PRDM15: variants seen among roughly 807,000 people sequenced by gnomAD.
The protein encoded by PRDM15 is PR domain zinc finger protein 15.
A neutral mutation model predicts 128.6 loss-of-function variants in PRDM15; 64 were observed. The ratio of observed to expected loss-of-function variants is 0.50; its 90% confidence interval spans 0.41 to 0.61. The LOEUF (loss-of-function observed/expected upper bound fraction) is 0.61. Among genes scored for constraint, PRDM15 ranks in the 20% least tolerant of loss-of-function variants. The pLI is 0.00. For synonymous variants in PRDM15, 615 were observed against 621.8 expected, an observed-to-expected ratio of 0.99 and a Z score of 0.16; for missense variants, 1,242 against 1,569.1, an observed-to-expected ratio of 0.79 and a Z score of 3.52.
chr21:41,821,412 T>C lies in PRDM15; in HGVS notation c.1897-182A>G, dbSNP rs985121609. Among the ~76,000 whole-genome samples, 2 of 152,162 alleles carry C rather than the reference T, an allele frequency of 1.3e-5. No homozygotes were observed. The highest frequency in any genetic ancestry group is 4.8e-5 in the African/African-American group (2 of 41,444). ...ACTTTTCCGAAGCCATAAGGCCTCATGCCCAAAACTCAAGAGCACGGGTGT... is the reference window on the plus strand; with the variant it reads ...ACTTTTCCGAAGCCATAAGGCCTCACGCCCAAAACTCAAGAGCACGGGTGT... On this transcript the variant is annotated intron_variant, in intron 15 of 23. Coordinates refer to ENST00000398548, the MANE Select transcript of PRDM15 (RefSeq NM_001040424.3). The surrounding 1 kb of genome is among the most constrained non-coding windows in gnomAD (Gnocchi z 5.4).
At position 41,816,968 on chromosome 21, in the gene PRDM15, A is replaced by G. The variant is rs192942282; in HGVS notation, c.2261-1132T>C. Among the ~76,000 whole-genome samples, 628 of 152,268 alleles carry G rather than the reference A, an allele frequency of 4.1e-3. 3 individuals carry two copies. The highest frequency in any genetic ancestry group is 6.4e-3 in the Non-Finnish European group (434 of 68,014). On this transcript the variant is annotated intron_variant, in intron 18 of 23. Transcript: ENST00000398548. ...GCACTTCCCTCTTCCTGCTTCTAAA[A>G]TGAACATATTCCAAATTTCAAAACT...
At chr21:41,869,651 G>C (rs1401286102) in intron 1 of PRDM15, among the ~76,000 whole-genome samples, 1 of 152,110 alleles carries the variant, frequency 6.6e-6, no homozygotes, top group Non-Finnish European at 1.5e-5. Flanking sequence ...TCTCCATGTT[G>C]CCAAAGCTGG....
chr21:41,852,779 T>C (rs62214697), intron 5 of PRDM15, among the ~76,000 whole-genome samples: 8,930 of 152,180 alleles, frequency 0.059, 289 homozygotes, highest in Middle Eastern at 0.079. Flanking sequence ...AGCCCTCACA[T>C]GGCCCATAGT....
At chr21:41,834,516 C>G in intron 11 of PRDM15, 3 of 1,550,456 alleles carry the variant, frequency 1.9e-6, no homozygotes, top group Non-Finnish European at 2.6e-6. Context: ...TGGTAGGTCT[C>G]TAAGCCGACT....
chr21:41,810,650 C>G lies in PRDM15; in HGVS notation c.2476+103G>C. On this transcript the variant is annotated intron_variant, in intron 20 of 23. Coordinates refer to ENST00000398548, the MANE Select transcript of PRDM15 (RefSeq NM_001040424.3). The surrounding 1 kb of genome is among the most constrained non-coding windows in gnomAD (Gnocchi z 6.4). ...AAGACAACACTAAATGTGCTGGAAC[C>G]GTCTAGATAATAGAATAGTCGTTTC... is the stretch of plus-strand genomic sequence containing the variant. 1 of 941,774 alleles carries G rather than the reference C, an allele frequency of 1.1e-6. No homozygotes were observed. 58.3% of individuals were successfully genotyped at this position (941,774 alleles called of 1,614,324 possible). A position where few individuals can be genotyped will look rare whatever the true frequency, so the allele number is the denominator to read the frequency against.
At chr21:41,866,032 C>T (rs758868463) in intron 1 of PRDM15, among the ~76,000 whole-genome samples, 16 of 152,280 alleles carry the variant, frequency 1.1e-4, no homozygotes, top group East Asian at 1.9e-4. Context: ...TGAGACCCCA[C>T]GCCCAGCCTC....
intron 5 of PRDM15, among the ~76,000 whole-genome samples, chr21:41,850,825 G>T (rs898860929): frequency 6.6e-6 from 1 of 152,162 alleles, no homozygotes; most frequent in Non-Finnish European, 1.5e-5. Flanking sequence ...ATGTGTTACT[G>T]CTCCTTCAGT....
chr21:41,855,430 G>T (rs577000991), intron 4 of PRDM15, among the ~76,000 whole-genome samples: 3 of 152,194 alleles, frequency 2.0e-5, no homozygotes, highest in Non-Finnish European at 2.9e-5. Context: ...GGAGGGTTTT[G>T]TTCCTTATTT....
Position 41,810,370 on chromosome 21 carries a change from A to G in PRDM15, c.2477-41T>C. The G allele has an allele frequency of 6.3e-7, 1 of 1,582,432 alleles. No homozygotes were observed. Among genetic ancestry groups the G allele is most frequent in the Non-Finnish European group, 8.6e-7 (1 of 1,160,970 alleles). ...CAGACACACATGCGCGTGGAAAGGAAGAGACACGCAGGTCACTAGTGCAGC... is the reference window on the plus strand; with the variant it reads ...CAGACACACATGCGCGTGGAAAGGAGGAGACACGCAGGTCACTAGTGCAGC... On this transcript the variant is annotated intron_variant, in intron 20 of 23. Transcript: ENST00000398548. The surrounding 1 kb of genome is among the most constrained non-coding windows in gnomAD (Gnocchi z 6.4).
chr21:41,865,529 G>A (rs768956623), intron 1 of PRDM15, among the ~76,000 whole-genome samples: 2 of 152,072 alleles, frequency 1.3e-5, no homozygotes, highest in Admixed American at 1.3e-4. Context: ...GGCTGTGGAC[G>A]CGAGGTCCAC....
At chr21:41,818,213 C>T (rs906282261) in intron 18 of PRDM15, among the ~76,000 whole-genome samples, 1 of 152,164 alleles carries the variant, frequency 6.6e-6, no homozygotes, top group Non-Finnish European at 1.5e-5. Flanking sequence ...TTAAGGCAGA[C>T]GCGGATAAAG....
At chr21:41,839,440 A>G (rs970216639) in intron 7 of PRDM15, among the ~76,000 whole-genome samples, 183 bp downstream of exon 7, 5 of 152,232 alleles carry the variant, frequency 3.3e-5, no homozygotes, top group Non-Finnish European at 7.3e-5. Context: ...CATGTATTAC[A>G]TGGAAATTGT....
intron 17 of PRDM15, 136 bp from the exon 18 acceptor site, chr21:41,819,837 A>G (rs905471469): frequency 4.3e-5 from 50 of 1,156,332 alleles, no homozygotes; most frequent in Non-Finnish European, 5.6e-5. Flanking sequence ...TCGCCTCTTC[A>G]GCGGCCTCCA....
intron 21 of PRDM15, among the ~76,000 whole-genome samples, 196 bp downstream of exon 21, chr21:41,809,958 G>T (rs1157912813): frequency 1.3e-5 from 2 of 152,216 alleles, no homozygotes; most frequent in African/African-American, 4.8e-5. Flanking sequence ...TCCGCCTGAG[G>T]CTCTCCTAAC....
chr21:41,816,910 A>C (rs1487217348), intron 18 of PRDM15, among the ~76,000 whole-genome samples: 1 of 143,872 alleles, frequency 7.0e-6, no homozygotes, highest in Non-Finnish European at 1.5e-5. Context: ...AAAAAAAAAG[A>C]GTGCCGGTCA....
Position 41,836,424 on chromosome 21 carries a change from T to A in PRDM15, c.1183+44A>T, listed in dbSNP as rs560815027. On this transcript the variant is annotated intron_variant, in intron 9 of 23. Coordinates refer to ENST00000398548, the MANE Select transcript of PRDM15 (RefSeq NM_001040424.3). ...GCTGTCCTCCCACCCCCAGCCCCAG[T>A]CCTGGCCCTGGCCCCGGGCGCCAGC... The A allele has an allele frequency of 3.2e-6, 5 of 1,576,630 alleles. No individual in the cohort carries two copies. The African/African-American group carries it at 6.7e-5, about 21-fold the overall frequency.
At position 41,836,203 on chromosome 21, in the gene PRDM15, G is replaced by A. The variant is rs1200984610; in HGVS notation, c.1188C>T (p.Asp396=). The change falls in exon 10 of 24, where the codon GAC becomes GAT. Residue 396 remains aspartate (D), a synonymous_variant. Coordinates refer to ENST00000398548, the MANE Select transcript of PRDM15 (RefSeq NM_001040424.3). ...NLSRHVRSHG[D]KLFKCEECAK... ...CACACTCTTCGCACTTAAACAGCTT[G>A]TCACCTGAGGAACCAACCAACAGAG... The A allele has an allele frequency of 1.2e-6, 2 of 1,613,780 alleles. No homozygotes were observed. The highest frequency in any genetic ancestry group is 2.2e-5 in the East Asian group (1 of 44,856).
rs1029962308 is a variant in PRDM15 at position 41,832,609 on chromosome 21, G to C, written c.1366+2828C>G. ...ATAGGTGAGCCTCCCTCCCAGCCAG[G>C]CACTAAAGAGCACAGGTGAGCCTCC... On this transcript the variant is annotated intron_variant, in intron 11 of 23. Transcript: ENST00000398548. The surrounding 1 kb of genome is among the most constrained non-coding windows in gnomAD (Gnocchi z 4.2). Among the ~76,000 whole-genome samples, 1 of 152,104 alleles carries C rather than the reference G, an allele frequency of 6.6e-6. No individual in the cohort carries two copies. Among genetic ancestry groups the C allele is most frequent in the African/African-American group, 2.4e-5 (1 of 41,416 alleles).
chr21:41,817,209 G>A (rs979564780), intron 18 of PRDM15, among the ~76,000 whole-genome samples: 8 of 152,204 alleles, frequency 5.3e-5, no homozygotes, highest in South Asian at 4.1e-4. Context: ...ACAAATTACC[G>A]TGGGGAAAAC....
Sources: allele counts gnomAD v4.1 joint callset (sites outside exome capture counted in the v4.1 genomes callset), GRCh38; gene constraint gnomAD v4.1.1; non-coding constraint Gnocchi (gnomAD v3.1); transcripts MANE v1.5; gene names NCBI Gene and HGNC (gene_info 2026-07-23, HGNC 2026-07-21).